Variants in FOXP1 observed in about 807,000 individuals in gnomAD.
FOXP1 encodes the protein forkhead box P1.
Under a neutral mutation model 98.2 loss-of-function variants are expected in FOXP1, and 15 were observed. The observed-to-expected ratio is 0.15, with a 90% CI of 0.10 to 0.24. The LOEUF is 0.24. Ranked by LOEUF, FOXP1 falls within the 10% of genes least tolerant of loss-of-function variation. The pLI, the probability that FOXP1 is intolerant of heterozygous loss-of-function variation, is 1.00. For missense variants in FOXP1, 633 were observed against 848.5 expected (o/e 0.75, Z 3.15); for synonymous variants, 371 against 314.5 (o/e 1.18, Z -1.90).
chr3:71,491,641 G>A (rs908195146), intron 3 of FOXP1, among the ~76,000 whole-genome samples: 11 of 152,076 alleles, frequency 7.2e-5, no homozygotes, highest in African/African-American at 2.2e-4. Flanking sequence ...TCTAGCTCCA[G>A]CAGAACCAAA....
chr3:71,236,812 G>A (rs1324069379), intron 5 of FOXP1, among the ~76,000 whole-genome samples: 3 of 151,576 alleles, frequency 2.0e-5, no homozygotes, highest in Non-Finnish European at 4.4e-5. Flanking sequence ...GGCTGAGGCT[G>A]CAATGAGCCA....
In FOXP1 at chr3:71,427,214, T is replaced by C. The variant is rs142120721; in HGVS notation, c.-168+66212A>G. Among the ~76,000 whole-genome samples, 6 of 152,256 alleles carry C rather than the reference T, an allele frequency of 3.9e-5. No individual in the cohort carries two copies. In the East Asian group the frequency reaches 1.2e-3, roughly 29 times the overall value. ...GCTGTTTGGGTCACCACCATATATC[T>C]AATATGTAGCCCAGGGTCTGGCACA... On this transcript the variant is annotated intron_variant, in intron 3 of 20. Coordinates refer to ENST00000649528, the MANE Select transcript of FOXP1 (RefSeq NM_001349338.3).
intron 5 of FOXP1, among the ~76,000 whole-genome samples, chr3:71,287,089 A>G (rs2072228542): frequency 6.6e-6 from 1 of 152,240 alleles, no homozygotes; most frequent in Non-Finnish European, 1.5e-5. Context: ...TTGGGAAAAC[A>G]CTTAAGATCG....
At chr3:71,482,609 A>G (rs2090363353) in intron 3 of FOXP1, among the ~76,000 whole-genome samples, 1 of 152,050 alleles carries the variant, frequency 6.6e-6, no homozygotes, top group Admixed American at 6.5e-5. Context: ...CATGTTGACC[A>G]GGCTGGTCTG....
chr3:71,228,869 A>G (rs1313529926), intron 5 of FOXP1, among the ~76,000 whole-genome samples: 3 of 152,214 alleles, frequency 2.0e-5, no homozygotes, highest in African/African-American at 4.8e-5. Context: ...GCAATGCCAC[A>G]GCAAAAGTCC....
At chr3:71,265,959 C>T (rs186938584) in intron 5 of FOXP1, among the ~76,000 whole-genome samples, 18 of 152,278 alleles carry the variant, frequency 1.2e-4, no homozygotes, top group African/African-American at 3.1e-4. Context: ...GAGGCCATCC[C>T]GGTCTAATGA....
intron 3 of FOXP1, among the ~76,000 whole-genome samples, chr3:71,421,030 G>A (rs72959383): frequency 1.2e-4 from 18 of 151,938 alleles, no homozygotes; most frequent in African/African-American, 4.4e-4. Flanking sequence ...ATGTCAGAAC[G>A]CCACAAAGCC....
chr3:71,117,110 C>G (rs1291072217), intron 6 of FOXP1, among the ~76,000 whole-genome samples: 1 of 150,818 alleles, frequency 6.6e-6, no homozygotes, highest in Non-Finnish European at 1.5e-5. Flanking sequence ...TTCTTTGAGA[C>G]AAGGTCTCAC....
At chr3:71,430,193 C>T (rs2084570859) in intron 3 of FOXP1, among the ~76,000 whole-genome samples, 1 of 152,114 alleles carries the variant, frequency 6.6e-6, no homozygotes, top group South Asian at 2.1e-4. Flanking sequence ...GCCCATACCA[C>T]GGAAAGCCTG....
At chr3:71,158,471 G>T (rs537924047) in intron 6 of FOXP1, among the ~76,000 whole-genome samples, 1 of 152,092 alleles carries the variant, frequency 6.6e-6, no homozygotes, top group African/African-American at 2.4e-5. Flanking sequence ...GGATGACAAA[G>T]ACACTGCCAT....
At chr3:71,506,849 C>T (rs1174927104) in intron 2 of FOXP1, among the ~76,000 whole-genome samples, 1 of 152,224 alleles carries the variant, frequency 6.6e-6, no homozygotes, top group Admixed American at 6.5e-5. Context: ...CCTTGTAATT[C>T]TGCACACTTT....
At chr3:71,563,864 AC>A (rs1430279990) in intron 2 of FOXP1, among the ~76,000 whole-genome samples, 2 of 152,170 alleles carry the variant, frequency 1.3e-5, no homozygotes, top group Non-Finnish European at 2.9e-5. Flanking sequence ...CCTCTCTCTC[AC>A]CTTTCCTAAG....
intron 6 of FOXP1, among the ~76,000 whole-genome samples, chr3:71,118,228 A>G (rs993287094): frequency 3.3e-5 from 5 of 152,276 alleles, no homozygotes; most frequent in African/African-American, 7.2e-5. Context: ...CTTCCATTCT[A>G]TTGGTCCAAG....
intron 6 of FOXP1, among the ~76,000 whole-genome samples, chr3:71,192,957 A>G (rs1223432987): frequency 6.6e-6 from 1 of 151,976 alleles, no homozygotes; most frequent in Non-Finnish European, 1.5e-5. Context: ...GCCTGCTTGT[A>G]TATTTCTTTA....
chr3:71,117,270 A>G (rs1307042150), intron 6 of FOXP1, among the ~76,000 whole-genome samples: 1 of 152,000 alleles, frequency 6.6e-6, no homozygotes, highest in Non-Finnish European at 1.5e-5. Context: ...CCATTTTTGT[A>G]GAGACGGGGT....
chr3:71,075,940 G>A (rs913901633), intron 7 of FOXP1, among the ~76,000 whole-genome samples: 4 of 151,708 alleles, frequency 2.6e-5, no homozygotes, highest in Admixed American at 1.3e-4. Flanking sequence ...GGCTGCTCTC[G>A]AACTCCTGGG....
chr3:71,268,018 A>T (rs1446420452), intron 5 of FOXP1, among the ~76,000 whole-genome samples: 1 of 23,330 alleles, frequency 4.3e-5, no homozygotes, highest in Non-Finnish European at 9.3e-5. Flanking sequence ...ACTCCGTCTC[A>T]AAAAAAAAAA....
intron 3 of FOXP1, among the ~76,000 whole-genome samples, chr3:71,371,063 G>A (rs937443131): frequency 2.0e-5 from 3 of 151,904 alleles, no homozygotes; most frequent in African/African-American, 7.3e-5. Flanking sequence ...GATTACAGGC[G>A]TGAACCACTG....
intron 5 of FOXP1, among the ~76,000 whole-genome samples, chr3:71,269,962 G>C (rs535221190): frequency 6.6e-6 from 1 of 152,190 alleles, no homozygotes; most frequent in Non-Finnish European, 1.5e-5. Flanking sequence ...TGAAAGTGTT[G>C]ATTTCTTCTA....
Sources: allele counts gnomAD v4.1 joint callset (sites outside exome capture counted in the v4.1 genomes callset), GRCh38; gene constraint gnomAD v4.1.1; transcripts MANE v1.5; gene names NCBI Gene and HGNC (gene_info 2026-07-23, HGNC 2026-07-21).